The following LRP1B variants were observed in gnomAD, a reference collection of about 807,000 sequenced individuals.
LRP1B encodes the protein low-density lipoprotein receptor-related protein 1B.
A neutral mutation model predicts 556.6 loss-of-function variants in LRP1B; 217 were observed. The observed-to-expected ratio is 0.39, with a 90% CI of 0.35 to 0.44. The LOEUF is 0.44. Ranked by LOEUF, LRP1B falls within the 20% of genes least tolerant of loss-of-function variation. The probability of loss-of-function intolerance (pLI) is 1.00; values close to 1 mark genes in which losing one functional copy is unlikely to be tolerated. For synonymous variants in LRP1B, 2,047 were observed against 1,865.8 expected (o/e 1.10, Z -2.50); for missense variants, 5,053 against 5,620.8 (o/e 0.90, Z 3.23).
intron 2 of LRP1B, among the ~76,000 whole-genome samples, chr2:141,521,541 ATAGAG>A (rs1684529803): frequency 6.6e-6 from 1 of 151,768 alleles, no homozygotes. Context: ...TAATGATTAA[ATAGAG>A]TATTGATCCT....
chr2:140,903,658 C>T (rs1195997818), intron 22 of LRP1B, among the ~76,000 whole-genome samples: 1 of 151,838 alleles, frequency 6.6e-6, no homozygotes, highest in East Asian at 1.9e-4. Context: ...CTTGTACAGT[C>T]CATTTTGGAG....
At chr2:141,622,316 A>C (rs971361118) in intron 2 of LRP1B, among the ~76,000 whole-genome samples, 1 of 152,238 alleles carries the variant, frequency 6.6e-6, no homozygotes, top group Non-Finnish European at 1.5e-5. Context: ...TCATCTATGA[A>C]TATCACAGCA....
At chr2:140,237,080 A>G (rs1680742531) in intron 89 of LRP1B, among the ~76,000 whole-genome samples, 2 of 150,764 alleles carry the variant, frequency 1.3e-5, no homozygotes, top group South Asian at 2.1e-4. Context: ...ATTGTTAACC[A>G]CCATCACCTA....
chr2:140,774,249 G>C (rs1689415347), intron 33 of LRP1B, among the ~76,000 whole-genome samples: 1 of 151,952 alleles, frequency 6.6e-6, no homozygotes, highest in South Asian at 2.1e-4. Context: ...TAAATTTTAA[G>C]TTTAGTCATA....
intron 66 of LRP1B, among the ~76,000 whole-genome samples, chr2:140,420,943 A>G (rs2105265541): frequency 6.6e-6 from 1 of 151,720 alleles, no homozygotes; most frequent in East Asian, 2.0e-4. Context: ...AACTTATCAA[A>G]TTGTACATTT....
intron 1 of LRP1B, among the ~76,000 whole-genome samples, chr2:141,815,084 A>G (rs940552001): frequency 6.6e-6 from 1 of 152,288 alleles, no homozygotes; most frequent in East Asian, 1.9e-4. Flanking sequence ...GAAACATACC[A>G]CTAGAGGAAG....
chr2:141,838,317 G>A (rs868457368), intron 1 of LRP1B, among the ~76,000 whole-genome samples: 12 of 152,112 alleles, frequency 7.9e-5, no homozygotes, highest in African/African-American at 2.9e-4. Context: ...GGCCTATAGA[G>A]CCACTCCACT....
intron 3 of LRP1B, among the ~76,000 whole-genome samples, chr2:141,266,417 A>G (rs1049724725): frequency 6.6e-6 from 1 of 150,788 alleles, no homozygotes; most frequent in Non-Finnish European, 1.5e-5. Context: ...ATTTACTTTT[A>G]TGATTTTCAT....
rs763803537 is a variant in LRP1B, at chr2:140,525,835, TA to T, written c.8026+8del. 1.9e-6 allele frequency: 3 copies of T among 1,608,616 alleles called. No individual in the cohort carries two copies. Among genetic ancestry groups the T allele is most frequent in the Non-Finnish European group, 2.5e-6 (3 of 1,177,498 alleles). ...GCAAAGCCTGTGTTTTTCTAAATTC[TA>T]GTATTACCTGGGCACTTTAATTCAT... On this transcript the variant is annotated splice_region_variant and intron_variant, in intron 49 of 90. Coordinates refer to ENST00000389484, the MANE Select transcript of LRP1B (RefSeq NM_018557.3).
intron 35 of LRP1B, among the ~76,000 whole-genome samples, chr2:140,731,764 CA>C (rs36060787): frequency 0.14 from 8,348 of 58,502 alleles, 62 homozygotes; most frequent in Non-Finnish European, 0.17. Flanking sequence ...GAGACTCCGT[CA>C]AAAAAAAAAA....
intron 43 of LRP1B, among the ~76,000 whole-genome samples, chr2:140,558,952 A>G (rs1023616645): frequency 3.3e-5 from 5 of 151,798 alleles, no homozygotes; most frequent in African/African-American, 4.9e-5. Context: ...GAAAAAAAAA[A>G]AAAACAAACT....
chr2:141,849,482 A>C (rs1260363616), intron 1 of LRP1B, among the ~76,000 whole-genome samples: 2 of 151,716 alleles, frequency 1.3e-5, no homozygotes, highest in Non-Finnish European at 3.0e-5. Flanking sequence ...CATTTTAAAA[A>C]ATTAGAAAGT....
At chr2:141,584,333 A>C (rs1687056621) in intron 2 of LRP1B, among the ~76,000 whole-genome samples, 1 of 152,086 alleles carries the variant, frequency 6.6e-6, no homozygotes, top group African/African-American at 2.4e-5. Flanking sequence ...GACAAAAGAG[A>C]AGTGAGATGA....
chr2:140,363,168 AGCCAG>A (rs1288792642), intron 72 of LRP1B, among the ~76,000 whole-genome samples: 1 of 151,640 alleles, frequency 6.6e-6, no homozygotes, highest in East Asian at 1.9e-4. Flanking sequence ...TTATTTGTCC[AGCCAG>A]AATAAGATCT....
rs561659560 is a variant in LRP1B, at chr2:141,390,871, C to T, written c.343+89525G>A. On this transcript the variant is annotated intron_variant, in intron 3 of 90. Transcript: ENST00000389484. The stretch of plus-strand genomic sequence containing the variant: ...CACAACATTGCTAATGTACTAATTG[C>T]CATTGAATGGATCAGTTTAAAATAA... 1.1e-4 allele frequency among the ~76,000 whole-genome samples: 16 copies of T among 152,192 alleles called. No homozygotes were observed. In the South Asian group the frequency reaches 3.1e-3, roughly 30 times the overall value.
At chr2:141,110,718 G>C (rs558612402) in intron 7 of LRP1B, among the ~76,000 whole-genome samples, 2 of 151,838 alleles carry the variant, frequency 1.3e-5, no homozygotes, top group Non-Finnish European at 2.9e-5. Flanking sequence ...GGGAATGTAC[G>C]ATAGTTTCAC....
intron 1 of LRP1B, among the ~76,000 whole-genome samples, chr2:141,961,690 A>G: frequency 6.6e-6 from 1 of 151,884 alleles, no homozygotes; most frequent in South Asian, 2.1e-4. Flanking sequence ...GGAGAAAGAA[A>G]TAGGAAAACT....
chr2:140,912,175 T>C (rs1323277382), intron 21 of LRP1B, among the ~76,000 whole-genome samples: 1 of 151,730 alleles, frequency 6.6e-6, no homozygotes, highest in East Asian at 1.9e-4. Flanking sequence ...GCGAACCAAG[T>C]ATGATAAGTT....
intron 1 of LRP1B, among the ~76,000 whole-genome samples, chr2:141,904,903 T>C (rs189718203): frequency 1.8e-3 from 278 of 152,062 alleles, no homozygotes; most frequent in African/African-American, 6.1e-3. Flanking sequence ...GACAGAGACC[T>C]GACCACCTAC....
Sources: gnomAD v4.1 joint callset for allele counts (sites outside exome capture counted in the v4.1 genomes callset) on GRCh38, gnomAD v4.1.1 for gene constraint, MANE v1.5 for transcripts, NCBI Gene and HGNC (gene_info 2026-07-23, HGNC 2026-07-21) for gene names.